DCHS2: variants seen among roughly 807,000 people sequenced by gnomAD.
The protein encoded by DCHS2 is dachsous cadherin-related 2.
A neutral mutation model predicts 182.4 loss-of-function variants in DCHS2; 142 were observed. That is an observed-to-expected ratio of 0.78 (90% CI 0.68 to 0.89). The LOEUF is 0.89. Among genes scored for constraint, DCHS2 ranks in the 40% least tolerant of loss-of-function variants. The pLI, the probability that DCHS2 is intolerant of heterozygous loss-of-function variation, is 0.00. For missense variants in DCHS2, 4,319 were observed against 4,198.6 expected (o/e 1.03, Z -0.79); for synonymous variants, 1,740 against 1,663.3 (o/e 1.05, Z -1.12).
intron 14 of DCHS2, 73 bp downstream of exon 14, chr4:154,269,827 A>T (rs1733486815): frequency 1.3e-6 from 2 of 1,553,184 alleles, no homozygotes; most frequent in African/African-American, 1.4e-5. Flanking sequence ...AACAATTTCT[A>T]CTTTGCAAAT....
chr4:154,332,579 A>G lies in DCHS2; in HGVS notation c.3629T>C (p.Ile1210Thr). Residue 1210 changes from isoleucine (I) to threonine (T), a missense_variant, in exon 5 of 20, where the codon ATA becomes ACA. Ile to Thr is a moderately conservative substitution (Grantham distance 89). Coordinates refer to ENST00000357232, the MANE Select transcript of DCHS2 (RefSeq NM_001358235.2). ...CATGTCAATAGCTGTAATTTTGCCT[A>G]TTACCCCTTGGGGAACAGGGCTCTC... ...VEESPVPQGV[I>T]GKITAIDMDS... 1 of 1,614,140 alleles carries G rather than the reference A, an allele frequency of 6.2e-7. No individual in the cohort carries two copies. Among genetic ancestry groups the G allele is most frequent in the East Asian group, 2.2e-5 (1 of 44,864 alleles).
chr4:154,452,134 T>C (rs1734560571), intron 1 of DCHS2, among the ~76,000 whole-genome samples: 1 of 152,228 alleles, frequency 6.6e-6, no homozygotes, highest in South Asian at 2.1e-4. Flanking sequence ...ATTATCATCA[T>C]GGGTTTGTGC....
intron 2 of DCHS2, among the ~76,000 whole-genome samples, chr4:154,373,012 T>C (rs1404935454): frequency 6.6e-6 from 1 of 152,180 alleles, no homozygotes; most frequent in East Asian, 1.9e-4. Flanking sequence ...GGACATTTAT[T>C]ACAAAGAGAA....
At position 154,374,205 on chromosome 4, in the gene DCHS2, C is replaced by T. The variant is rs75593059; in HGVS notation, c.2244+3048G>A. On this transcript the variant is annotated intron_variant, in intron 2 of 19. Transcript: ENST00000357232. ...CTTCTCCTGATGGACAGCAGTTCTACGACTACAAGGATCTCTGTGTCCTGC... is the reference window on the plus strand; with the variant it reads ...CTTCTCCTGATGGACAGCAGTTCTATGACTACAAGGATCTCTGTGTCCTGC... The T allele has an allele frequency of 2.7e-3, 1,276 of 471,662 alleles. 11 individuals are homozygous for T. Among genetic ancestry groups the T allele is most frequent in the African/African-American group, 0.022 (1,119 of 50,178 alleles). 29.2% of individuals were successfully genotyped at this position (471,662 alleles called of 1,614,324 possible). A position where few individuals can be genotyped will look rare whatever the true frequency, so the allele number is the denominator to read the frequency against.
chr4:154,317,742 C>G (rs1441636920), intron 9 of DCHS2, among the ~76,000 whole-genome samples: 1 of 151,954 alleles, frequency 6.6e-6, no homozygotes, highest in East Asian at 1.9e-4. Context: ...TTCCATCAAA[C>G]TACATAAAAA....
At chr4:154,486,367 T>C (rs953128815) in intron 1 of DCHS2, 3 of 1,290,954 alleles carry the variant, frequency 2.3e-6, no homozygotes, top group African/African-American at 3.1e-5. Context: ...ATTGGGGATG[T>C]GGAGTAACCA....
At chr4:154,261,754 T>C (rs1732996623) in intron 14 of DCHS2, 2 of 152,242 alleles carry the variant, frequency 1.3e-5, no homozygotes, top group Non-Finnish European at 2.9e-5. Context: ...GTATCATTTT[T>C]TGATATCAAA....
chr4:154,328,000 C>A, intron 7 of DCHS2, 93 bp downstream of exon 7: 1 of 834,742 alleles, frequency 1.2e-6, no homozygotes, highest in African/African-American at 1.7e-5. Flanking sequence ...TCAAAGTAAT[C>A]AAAATAGAAC....
At chr4:154,269,773 C>CT in intron 14 of DCHS2, 127 bp downstream of exon 14, 1 of 971,178 alleles carries the variant, frequency 1.0e-6, no homozygotes, top group Non-Finnish European at 1.5e-6. Context: ...CATAGGCTAG[C>CT]TTAAAAAATT....
At chr4:154,307,055 C>G (rs1735464963) in intron 10 of DCHS2, among the ~76,000 whole-genome samples, 1 of 152,134 alleles carries the variant, frequency 6.6e-6, no homozygotes, top group Non-Finnish European at 1.5e-5. Flanking sequence ...TTACCTATAA[C>G]TGTAGTCTGC....
intron 16 of DCHS2, among the ~76,000 whole-genome samples, chr4:154,251,623 A>T (rs1465355785): frequency 6.6e-6 from 1 of 152,158 alleles, no homozygotes; most frequent in Non-Finnish European, 1.5e-5. Context: ...GGTTCAAGCG[A>T]TTCTCCTGCC....
chr4:154,468,105 A>G (rs1281956294), intron 1 of DCHS2, among the ~76,000 whole-genome samples: 1 of 152,132 alleles, frequency 6.6e-6, no homozygotes. Flanking sequence ...TAGTTGTTTC[A>G]TATACAAAAG....
At chr4:154,447,502 TA>T (rs1734351174) in intron 1 of DCHS2, among the ~76,000 whole-genome samples, 1 of 152,130 alleles carries the variant, frequency 6.6e-6, no homozygotes, top group Admixed American at 6.5e-5. Context: ...AAATTTCAAT[TA>T]AAAATTATTA....
chr4:154,479,777 G>A (rs941249078), intron 1 of DCHS2, among the ~76,000 whole-genome samples: 9 of 152,212 alleles, frequency 5.9e-5, no homozygotes, highest in Non-Finnish European at 8.8e-5. Context: ...CTCTAATACC[G>A]TCAAACATTA....
rs1293413133 is a variant in DCHS2, at chr4:154,366,457, G to C, written c.2245-16C>G. 2 of 1,577,598 alleles carry C rather than the reference G, an allele frequency of 1.3e-6. No individual in the cohort carries two copies. The highest frequency in any genetic ancestry group is 1.7e-6 in the Non-Finnish European group (2 of 1,149,586). On this transcript the variant is annotated splice_polypyrimidine_tract_variant and intron_variant, in intron 2 of 19. Coordinates refer to ENST00000357232, the MANE Select transcript of DCHS2 (RefSeq NM_001358235.2). ...TTAGCCCACCCTGGTGGATGAATGA[G>C]TGGTGATTACAAATGGGTTTTTGCT...
chr4:154,441,147 A>G (rs774441771), intron 1 of DCHS2, among the ~76,000 whole-genome samples: 6 of 152,200 alleles, frequency 3.9e-5, no homozygotes, highest in Admixed American at 2.0e-4. Flanking sequence ...TGCTGGAATC[A>G]TGTACTAAAA....
intron 1 of DCHS2, among the ~76,000 whole-genome samples, chr4:154,410,376 A>G (rs1732573767): frequency 6.6e-6 from 1 of 151,370 alleles, no homozygotes; most frequent in African/African-American, 2.4e-5. Context: ...GAATAATATA[A>G]GAAATAAAAT....
chr4:154,314,395 G>C (rs58846939), intron 10 of DCHS2, among the ~76,000 whole-genome samples: 40,788 of 151,970 alleles, frequency 0.27, 6,485 homozygotes, highest in South Asian at 0.36. Flanking sequence ...TAAGTTCTAA[G>C]GACAGATTGG....
chr4:154,315,998 A>C lies in DCHS2; in HGVS notation c.5021-11T>G. On this transcript the variant is annotated splice_polypyrimidine_tract_variant and intron_variant, in intron 9 of 19. Coordinates refer to ENST00000357232, the MANE Select transcript of DCHS2 (RefSeq NM_001358235.2). ...TTGTGGTTAGTAAGCCTGTTTTGAAAATGGAAGAAAAGCAACATGTAATGA... is the reference window on the plus strand; with the variant it reads ...TTGTGGTTAGTAAGCCTGTTTTGAACATGGAAGAAAAGCAACATGTAATGA... 6.2e-7 allele frequency: 1 copy of C among 1,612,498 alleles called. No homozygotes were observed. The highest frequency in any genetic ancestry group is 8.5e-7 in the Non-Finnish European group (1 of 1,178,726).
Sources: gnomAD v4.1 joint callset for allele counts (sites outside exome capture counted in the v4.1 genomes callset) on GRCh38, gnomAD v4.1.1 for gene constraint, MANE v1.5 for transcripts, NCBI Gene and HGNC (gene_info 2026-07-23, HGNC 2026-07-21) for gene names.